HS1BP3: variants seen among roughly 807,000 people sequenced by gnomAD.
HS1BP3 encodes the protein HCLS1-binding protein 3.
In HS1BP3, 32 loss-of-function variants were observed where a neutral mutation model predicts 33.5. The ratio of observed to expected loss-of-function variants is 0.95; its 90% CI spans 0.72 to 1.28. The LOEUF (loss-of-function observed/expected upper bound fraction) is 1.28, where lower values mean the gene tolerates loss of function less well. Among genes scored for constraint, HS1BP3 ranks in the 50% most tolerant of loss-of-function variants. HS1BP3 has a pLI of 0.00. For missense variants in HS1BP3, 486 were observed against 502.3 expected, an observed-to-expected ratio of 0.97 and a Z score of 0.31; for synonymous variants, 187 against 209.2, an observed-to-expected ratio of 0.89 and a Z score of 0.92.
intron 4 of HS1BP3, among the ~76,000 whole-genome samples, chr2:20,628,738 C>A (rs570101054): frequency 6.6e-6 from 1 of 152,208 alleles, no homozygotes; most frequent in African/African-American, 2.4e-5. Flanking sequence ...TCAGGGAGGA[C>A]TTCTTGGAGG....
chr2:20,567,682 G>A (rs558982093), intron 5 of HS1BP3, among the ~76,000 whole-genome samples: 3 of 152,312 alleles, frequency 2.0e-5, no homozygotes, highest in African/African-American at 7.2e-5. Context: ...GCAGACAGAG[G>A]AGAGGCTGCC....
chr2:20,624,950 C>T (rs10176598), intron 4 of HS1BP3, 58 bp from the exon 5 acceptor site: 38 of 1,589,852 alleles, frequency 2.4e-5, no homozygotes, highest in Non-Finnish European at 3.1e-5. Context: ...CCAGGTGGTC[C>T]GGTCAGACCG....
intron 5 of HS1BP3, among the ~76,000 whole-genome samples, chr2:20,586,001 C>T (rs200765166): frequency 3.0e-4 from 45 of 148,752 alleles, no homozygotes; most frequent in East Asian, 2.0e-3. Flanking sequence ...TCGCAGATTC[C>T]GGCTTTGAGC....
At chr2:20,629,837 C>G (rs867051723) in intron 4 of HS1BP3, among the ~76,000 whole-genome samples, 4 of 152,228 alleles carry the variant, frequency 2.6e-5, no homozygotes, top group Non-Finnish European at 5.9e-5. Context: ...GCAGCTGCCG[C>G]GGCTGACAGC....
intron 4 of HS1BP3, among the ~76,000 whole-genome samples, chr2:20,634,165 C>T (rs1429062689): frequency 1.3e-5 from 2 of 152,272 alleles, no homozygotes; most frequent in African/African-American, 2.4e-5. Flanking sequence ...CTTCTGGACA[C>T]GCCCTGTCCT....
rs143846385 is a variant in HS1BP3, at chr2:20,561,528, A to G, written c.303-1013T>C. Among the ~76,000 whole-genome samples the G allele has an allele frequency of 3.8e-3, 585 of 152,114 alleles. 3 individuals carry two copies. Among genetic ancestry groups the G allele is most frequent in the African/African-American group, 0.013 (543 of 41,484 alleles). The stretch of plus-strand genomic sequence containing the variant: ...GTCTCTGTTGGCTTCCCTCCATCAC[A>G]CACATACAACCCCTCCCCACCTGCA... On this transcript the variant is annotated intron_variant, in intron 5 of 5. Transcript: ENST00000446825.
chr2:20,563,462 T>G (rs558747832), intron 5 of HS1BP3, among the ~76,000 whole-genome samples: 65 of 152,346 alleles, frequency 4.3e-4, no homozygotes, highest in African/African-American at 1.3e-3. Flanking sequence ...AGCTGTGGTC[T>G]GATGGGGCCA....
intron 5 of HS1BP3, among the ~76,000 whole-genome samples, chr2:20,561,869 A>C (rs1693005835): frequency 6.6e-6 from 1 of 152,178 alleles, no homozygotes; most frequent in Admixed American, 6.5e-5. Context: ...GCTGATTACC[A>C]GAAAGAACAA....
At chr2:20,576,412 C>T (rs1200328239) in intron 5 of HS1BP3, among the ~76,000 whole-genome samples, 1 of 152,218 alleles carries the variant, frequency 6.6e-6, no homozygotes, top group Non-Finnish European at 1.5e-5. Context: ...CTGCCCAGTA[C>T]AGCTCCTCCT....
At chr2:20,557,956 C>T (rs1692878452), downstream of HS1BP3, among the ~76,000 whole-genome samples, 1 of 152,210 alleles carries the variant, frequency 6.6e-6, no homozygotes, top group South Asian at 2.1e-4. Context: ...TCTGCCTTAT[C>T]CCAAGTTCTG....
Position 20,619,350 on chromosome 2 carries a change from G to A in HS1BP3, c.921-105C>T, listed in dbSNP as rs1694523243. On this transcript the variant is annotated intron_variant, in intron 6 of 6. Coordinates refer to ENST00000304031, the MANE Select transcript of HS1BP3 (RefSeq NM_022460.4). ...CCACACGGGGCTGGGCAGCGGCAGG[G>A]AGCCCAGCCTCGGCCAGGTCAAGGC... The A allele has an allele frequency of 8.8e-6, 9 of 1,028,514 alleles. No individual in the cohort carries two copies. The South Asian group carries it at 1.3e-4, about 15-fold the overall frequency. 63.7% of individuals were successfully genotyped at this position (1,028,514 alleles called of 1,614,324 possible).
chr2:20,571,268 G>C (rs762194405), intron 5 of HS1BP3, among the ~76,000 whole-genome samples: 1 of 152,126 alleles, frequency 6.6e-6, no homozygotes, highest in Non-Finnish European at 1.5e-5. Context: ...TGCTCCCTCT[G>C]CGTTTTTCCA....
At chr2:20,621,711 T>A (rs1014949212) in intron 6 of HS1BP3, among the ~76,000 whole-genome samples, 54 of 152,366 alleles carry the variant, frequency 3.5e-4, no homozygotes, top group African/African-American at 1.1e-3. Flanking sequence ...ATTTCAGGAT[T>A]AGCCTGCTTG....
chr2:20,608,491 T>C (rs1201951091), intron 2 of HS1BP3, among the ~76,000 whole-genome samples: 1 of 151,124 alleles, frequency 6.6e-6, no homozygotes, highest in African/African-American at 2.4e-5. Context: ...GGAGAATCTC[T>C]TGAACCCGGG....
At chr2:20,648,090 T>C (rs890754233) in intron 1 of HS1BP3, among the ~76,000 whole-genome samples, 17 of 152,182 alleles carry the variant, frequency 1.1e-4, no homozygotes, top group African/African-American at 4.1e-4. Flanking sequence ...TCCGAGGCCC[T>C]CCCACCTACT....
intron 5 of HS1BP3, among the ~76,000 whole-genome samples, chr2:20,580,152 A>T (rs550586232): frequency 5.9e-4 from 90 of 152,402 alleles, no homozygotes; most frequent in Non-Finnish European, 1.1e-3. Flanking sequence ...AGCTGGGCAG[A>T]GATGCAAGAA....
chr2:20,651,001 G>C, intron 1 of HS1BP3, 31 bp downstream of exon 1: 1 of 1,235,510 alleles, frequency 8.1e-7, no homozygotes. Context: ...ACTGCGAGCT[G>C]TGCGGTGTGG....
In HS1BP3 at chr2:20,638,421, C is replaced by T. The variant is rs375468703; in HGVS notation, c.623+15G>A. 3 of 1,611,808 alleles carry T rather than the reference C, an allele frequency of 1.9e-6. No homozygotes were observed. The highest frequency in any genetic ancestry group is 1.3e-5 in the African/African-American group (1 of 74,888). On this transcript the variant is annotated intron_variant, in intron 4 of 6. Coordinates refer to ENST00000304031, the MANE Select transcript of HS1BP3 (RefSeq NM_022460.4). Reference sequence around the variant, plus strand: ...GAATACACCAAAGGGGCCCTCTCAACAACAGGAGACCAACCGCATAATGCC... The same window carrying T: ...GAATACACCAAAGGGGCCCTCTCAATAACAGGAGACCAACCGCATAATGCC...
downstream of HS1BP3, among the ~76,000 whole-genome samples, chr2:20,614,826 C>T (rs1321039857): frequency 3.3e-5 from 5 of 152,228 alleles, no homozygotes; most frequent in Admixed American, 3.3e-4. Flanking sequence ...CATAATCCCA[C>T]TTCAGAAGCT....
Sources: allele counts gnomAD v4.1 joint callset (sites outside exome capture counted in the v4.1 genomes callset), GRCh38; gene constraint gnomAD v4.1.1; transcripts MANE v1.5; gene names NCBI Gene and HGNC (gene_info 2026-07-23, HGNC 2026-07-21).